SCAP: variants seen among roughly 807,000 people sequenced by gnomAD.
SCAP encodes sterol regulatory element-binding protein cleavage-activating protein.
Under a neutral mutation model 123.6 loss-of-function variants are expected in SCAP, and 65 were observed. The ratio of observed to expected loss-of-function variants is 0.53; its 90% CI spans 0.43 to 0.65. SCAP has a LOEUF of 0.65. Ranked by LOEUF, SCAP falls within the 30% of genes least tolerant of loss-of-function variation. SCAP has a pLI of 0.00. For synonymous variants in SCAP, 740 were observed against 726.3 expected (o/e 1.02, Z -0.30); for missense variants, 1,398 against 1,712.5 (o/e 0.82, Z 3.24).
rs548455124 is a variant in SCAP, at chr3:47,445,610, C to T, written c.-98-2519G>A. ...TTTTTGAAACGGAATCTTGCTTTGT[C>T]GCCCAGGCTGGAGTGCAGCAGCGCG... On this transcript the variant is annotated intron_variant, in intron 1 of 22. Transcript: ENST00000265565. Among the ~76,000 whole-genome samples the T allele has an allele frequency of 6.7e-5, 10 of 148,522 alleles. No individual in the cohort carries two copies. In the South Asian group the frequency reaches 1.3e-3, roughly 19 times the overall value.
At chr3:47,459,976 C>T (rs890534332) in intron 1 of SCAP, among the ~76,000 whole-genome samples, 1 of 152,124 alleles carries the variant, frequency 6.6e-6, no homozygotes, top group Non-Finnish European at 1.5e-5. Context: ...GCATTCCTTT[C>T]CCAGGGTCTT....
chr3:47,418,265 G>A lies in SCAP; in HGVS notation c.2332-16C>T, dbSNP rs1455816737. 1.3e-6 allele frequency: 2 copies of A among 1,557,958 alleles called. No homozygotes were observed. Among genetic ancestry groups the A allele is most frequent in the African/African-American group, 1.4e-5 (1 of 73,518 alleles). ...ACTCGATGTCCTGCAGAAGCCCGGT[G>A]TTGGTATGGGCCAGGCTCCGGCCCT... On this transcript the variant is annotated splice_polypyrimidine_tract_variant and intron_variant, in intron 15 of 22. Transcript: ENST00000265565.
chr3:47,435,008 C>A lies in SCAP; in HGVS notation c.252G>T (p.Trp84Cys). The A allele has an allele frequency of 6.2e-7, 1 of 1,614,116 alleles. No individual in the cohort carries two copies. The highest frequency in any genetic ancestry group is 8.5e-7 in the Non-Finnish European group (1 of 1,179,984). Reference protein sequence around the residue: ...KQGEPTEQPEWYVGAPVAYVQ... With the variant: ...KQGEPTEQPECYVGAPVAYVQ... ...CCTCAGGAACATGACGAGTACCCAC[C>A]CACTCAGGCTGCTCAGTAGGCTCTC... Residue 84 changes from tryptophan (W) to cysteine (C), a missense_variant and splice_region_variant, in exon 3 of 23, where the codon TGG becomes TGT. Around this residue, in one of 7 missense-constraint regions of SCAP, gnomAD observed 319 missense variants for 432.4 expected, o/e 0.74. Transcript: ENST00000265565.
chr3:47,428,723 A>C (rs1706243377), intron 3 of SCAP, 53 bp from the exon 4 acceptor site: 1 of 1,590,272 alleles, frequency 6.3e-7, no homozygotes, highest in Non-Finnish European at 8.6e-7. Context: ...AGGAAGAAGA[A>C]AGACGGTCCA....
chr3:47,419,593 C>T lies in SCAP; in HGVS notation c.1675G>A (p.Ala559Thr). ...ATGCCACTAGGCACGGGCATGGGAG[C>T]CAGGGCTCCCTCACCCAATGGGCTC... ...EQSPLGEGALAPMPVPSGMLP... is the reference protein window; with the variant it reads ...EQSPLGEGALTPMPVPSGMLP... Residue 559 changes from alanine to threonine, a missense_variant, in exon 13 of 23, where the codon GCT becomes ACT. Physicochemically the swap from Ala to Thr is moderately conservative, Grantham distance 58. This residue lies in a region of SCAP where 828 missense variants were observed against 882.5 expected (regional missense o/e 0.94). Transcript: ENST00000265565. This position sits in a 1 kb window ranked among gnomAD's most constrained non-coding sequence, Gnocchi z 5.0. 1.9e-6 allele frequency: 3 copies of T among 1,607,190 alleles called. No homozygotes were observed. In the South Asian group the frequency reaches 3.3e-5, roughly 18 times the overall value.
intron 1 of SCAP, among the ~76,000 whole-genome samples, chr3:47,456,520 C>T (rs1035515482): frequency 1.3e-5 from 2 of 152,134 alleles, no homozygotes; most frequent in African/African-American, 4.8e-5. Context: ...AATCCCAGCA[C>T]TTTGGGAGGC....
chr3:47,461,570 A>T (rs1229630374), intron 1 of SCAP, among the ~76,000 whole-genome samples: 6 of 152,194 alleles, frequency 3.9e-5, no homozygotes, highest in Admixed American at 3.9e-4. Context: ...ACAATATCCT[A>T]TTGGTAAGGA....
chr3:47,473,080 C>CAAAAAAA (rs34472664), intron 1 of SCAP, among the ~76,000 whole-genome samples: 582 of 37,984 alleles, frequency 0.015, 101 homozygotes, highest in African/African-American at 0.059. Flanking sequence ...AACTCCATCT[C>CAAAAAAA]AAAAAAAAAA....
In SCAP at chr3:47,418,797, G is replaced by A; in HGVS notation, c.1987C>T (p.Pro663Ser). The change falls in exon 14 of 23, where the codon CCG (proline) becomes TCG (serine). Residue 663 changes from proline (P) to serine (S), a missense_variant. Coordinates refer to ENST00000265565, the MANE Select transcript of SCAP (RefSeq NM_012235.4). ...PVIPVTLRLN[P>S]REALEGRHPQ... ...TGCCGGCCCTCCAGAGCCTCCCTCG[G>A]GTTCAGGCGGAGCGTGACTGGGATG... 2 of 1,553,650 alleles carry A rather than the reference G, an allele frequency of 1.3e-6. No homozygotes were observed. Among genetic ancestry groups the A allele is most frequent in the Non-Finnish European group, 1.7e-6 (2 of 1,154,274 alleles).
At chr3:47,458,233 C>A (rs557737849) in intron 1 of SCAP, among the ~76,000 whole-genome samples, 1 of 152,136 alleles carries the variant, frequency 6.6e-6, no homozygotes, top group Admixed American at 6.5e-5. Context: ...GAGTTCAAGA[C>A]CAGCTGGCCA....
At chr3:47,455,018 AATG>A (rs1226838673) in intron 1 of SCAP, among the ~76,000 whole-genome samples, 1 of 147,998 alleles carries the variant, frequency 6.8e-6, no homozygotes, top group African/African-American at 2.5e-5. Context: ...ATTATTTGCA[AATG>A]ATATTATGTA....
Position 47,418,702 on chromosome 3 carries a change from G to C in SCAP, c.2082C>G (p.Pro694=), listed in dbSNP as rs777204979. 1 of 1,602,470 alleles carries C rather than the reference G, an allele frequency of 6.2e-7. No individual in the cohort carries two copies. The highest frequency in any genetic ancestry group is 1.7e-4 in the Middle Eastern group (1 of 6,026). ...GGGCCTGCACCCCACCTGGGCCCTT[G>C]GGTCCTGCTTCCCAGTGCCCAGCAG... ...PIPAGHWEAG[P]KGPGGVQAHG... is the part of the protein sequence containing the mutation. Residue 694 remains proline (P), a synonymous_variant, in exon 14 of 23, where the codon CCC becomes CCG. Transcript: ENST00000265565.
chr3:47,417,753 C>A lies in SCAP; in HGVS notation c.2521G>T (p.Gly841Trp), dbSNP rs1416361141. ...CCAGGCTCCTCTGGACCAGCCTTCC[C>A]ACCATCTGAAAGTCGTTCCCAGCTC... ...QESWERLSDG[G>W]KAGPEEPGDS... is the part of the protein sequence containing the mutation. The change falls in exon 17 of 23, where the codon GGG becomes TGG. Residue 841 changes from glycine to tryptophan, a missense_variant. Around this residue, in one of 7 missense-constraint regions of SCAP, gnomAD observed 828 missense variants for 882.5 expected, o/e 0.94. Coordinates refer to ENST00000265565, the MANE Select transcript of SCAP (RefSeq NM_012235.4). The A allele has an allele frequency of 4.4e-6, 7 of 1,603,796 alleles. No individual in the cohort carries two copies. Among genetic ancestry groups the A allele is most frequent in the Non-Finnish European group, 5.9e-6 (7 of 1,176,912 alleles).
intron 1 of SCAP, chr3:47,469,849 C>A: frequency 3.4e-6 from 2 of 581,794 alleles, no homozygotes; most frequent in South Asian, 1.4e-5. Context: ...CCATTTTGAT[C>A]ATAGTGCAAA....
At chr3:47,468,831 T>C (rs1204471036) in intron 1 of SCAP, among the ~76,000 whole-genome samples, 1 of 152,204 alleles carries the variant, frequency 6.6e-6, no homozygotes, top group Non-Finnish European at 1.5e-5. Context: ...TAGGTTTTCT[T>C]CTAGGGTTTT....
chr3:47,462,653 T>C (rs1162564435), intron 1 of SCAP, among the ~76,000 whole-genome samples: 1 of 149,122 alleles, frequency 6.7e-6, no homozygotes, highest in Non-Finnish European at 1.5e-5. Context: ...CTCAGGAGGC[T>C]GAGGCAGGAG....
chr3:47,426,774 T>A (rs1706152225), intron 6 of SCAP, among the ~76,000 whole-genome samples: 1 of 152,170 alleles, frequency 6.6e-6, no homozygotes, highest in African/African-American at 2.4e-5. Flanking sequence ...GGAGAGCCGA[T>A]CAGAAGCACC....
intron 7 of SCAP, 26 bp downstream of exon 7, chr3:47,425,971 C>T: frequency 1.2e-6 from 2 of 1,613,246 alleles, no homozygotes; most frequent in Non-Finnish European, 1.7e-6. Context: ...TGGAGAAAGC[C>T]CTCAGCCTCC....
rs1405893841 is a variant in SCAP at position 47,413,758 on chromosome 3, C to T, written c.*96G>A. ...TATTATTACAGTCAGGAGGCAGCGG[C>T]TGGAAGATACTCGGCTCTTTCCCCC... On this transcript the variant is annotated 3_prime_UTR_variant, in exon 23 of 23. Coordinates refer to ENST00000265565, the MANE Select transcript of SCAP (RefSeq NM_012235.4). 6.8e-7 allele frequency: 1 copy of T among 1,477,808 alleles called. No individual in the cohort carries two copies. The highest frequency in any genetic ancestry group is 9.1e-7 in the Non-Finnish European group (1 of 1,096,058). The allele number at this position is 1,477,808 out of a possible 1,614,324, so 91.5% of individuals were successfully genotyped here.
Sources: allele counts gnomAD v4.1 joint callset (sites outside exome capture counted in the v4.1 genomes callset), GRCh38; gene constraint gnomAD v4.1.1; regional missense constraint gnomAD v4.1.1; non-coding constraint Gnocchi (gnomAD v3.1); transcripts MANE v1.5; gene names NCBI Gene and HGNC (gene_info 2026-07-23, HGNC 2026-07-21).